The following CCAR1 variants were observed in gnomAD, a reference collection of about 807,000 sequenced individuals.
CCAR1 encodes the protein cell division cycle and apoptosis regulator 1.
A neutral mutation model predicts 163.8 loss-of-function variants in CCAR1; 78 were observed. The ratio of observed to expected loss-of-function variants is 0.48; its 90% confidence interval spans 0.40 to 0.57. The LOEUF (loss-of-function observed/expected upper bound fraction) is 0.57. Among genes scored for constraint, CCAR1 ranks in the 20% least tolerant of loss-of-function variants. CCAR1 has a pLI of 0.00. For missense variants in CCAR1, 1,019 were observed against 1,365.2 expected (o/e 0.75, Z 4.00); for synonymous variants, 443 against 460.7 (o/e 0.96, Z 0.49).
At chr10:68,766,107 C>T (rs1564545283) in intron 17 of CCAR1, 28 bp downstream of exon 17, 2 of 1,388,214 alleles carry the variant, frequency 1.4e-6, no homozygotes, top group Non-Finnish European at 2.0e-6. Context: ...AAATAAGATC[C>T]ATATAAGGTC....
chr10:68,760,960 C>T (rs769408976), intron 15 of CCAR1, 47 bp from the exon 16 acceptor site: 1 of 790,594 alleles, frequency 1.3e-6, no homozygotes, highest in Non-Finnish European at 1.9e-6. Flanking sequence ...GCCCCCCGCC[C>T]CCCGCCACCT....
chr10:68,783,967 C>T (rs996038350), intron 19 of CCAR1, among the ~76,000 whole-genome samples: 3 of 151,792 alleles, frequency 2.0e-5, no homozygotes, highest in African/African-American at 7.3e-5. Context: ...ACCATGTTAG[C>T]GAGGATGGTC....
intron 4 of CCAR1, among the ~76,000 whole-genome samples, chr10:68,738,372 G>T (rs1005310794): frequency 1.3e-5 from 2 of 148,568 alleles, no homozygotes; most frequent in Admixed American, 1.3e-4. Context: ...AGGTTATGGT[G>T]AGCCGAGATC....
At chr10:68,787,744 A>C (rs1589196104) in intron 21 of CCAR1, 183 bp from the exon 22 acceptor site, 1 of 489,696 alleles carries the variant, frequency 2.0e-6, no homozygotes, top group African/African-American at 2.0e-5. Context: ...CTGAGGTAGG[A>C]GAATCGCTTG....
chr10:68,721,748 C>T (rs547727741), intron 1 of CCAR1: 1 of 322,640 alleles, frequency 3.1e-6, no homozygotes, highest in South Asian at 2.2e-5. Flanking sequence ...CGGCGGCCGG[C>T]ACGGAGCTGG....
intron 8 of CCAR1, 23 bp from the exon 9 acceptor site, chr10:68,749,112 GT>G (rs780851087): frequency 1.2e-5 from 19 of 1,613,156 alleles, no homozygotes; most frequent in African/African-American, 5.3e-5. Context: ...CACGCTAAAC[GT>G]TTTTTTCTTT....
chr10:68,743,203 T>TTTC (rs2056206114), intron 6 of CCAR1, among the ~76,000 whole-genome samples: 1 of 144,408 alleles, frequency 6.9e-6, no homozygotes, highest in African/African-American at 2.7e-5. Flanking sequence ...TCTTTTTCTT[T>TTTC]TTTTTTTTTT....
In CCAR1 at chr10:68,786,749, G is replaced by A; in HGVS notation, c.2880+57G>A. The stretch of plus-strand genomic sequence containing the variant: ...ACATTTTTTAAAAGTTACCTTTCCA[G>A]TGAAAAGTTAATAGAACCTCTGTTG... On this transcript the variant is annotated intron_variant, in intron 21 of 24. Transcript: ENST00000265872. 3 of 1,449,196 alleles carry A rather than the reference G, an allele frequency of 2.1e-6. No homozygotes were observed. The East Asian group carries it at 7.1e-5, about 34-fold the overall frequency. 89.8% of individuals were successfully genotyped at this position (1,449,196 alleles called of 1,614,324 possible). A position where few individuals can be genotyped will look rare whatever the true frequency, so the allele number is the denominator to read the frequency against.
intron 17 of CCAR1, among the ~76,000 whole-genome samples, chr10:68,769,326 AATTG>A (rs2056572475): frequency 6.6e-6 from 1 of 152,166 alleles, no homozygotes; most frequent in Non-Finnish European, 1.5e-5. Context: ...TAGCCTTAGA[AATTG>A]GTACATAAGG....
At chr10:68,786,946 G>A (rs1035719858) in intron 21 of CCAR1, 1 of 287,822 alleles carries the variant, frequency 3.5e-6, no homozygotes, top group Admixed American at 5.7e-5. Flanking sequence ...TTAGCTGGGT[G>A]TGGTGGCACA....
chr10:68,722,733 C>T (rs2055877246), intron 2 of CCAR1, among the ~76,000 whole-genome samples, 156 bp downstream of exon 2: 1 of 151,998 alleles, frequency 6.6e-6, no homozygotes, highest in African/African-American at 2.4e-5. Context: ...ACCAGCCTGG[C>T]CAACATGGTG....
chr10:68,779,324 C>T (rs1366700262), intron 19 of CCAR1, among the ~76,000 whole-genome samples: 2 of 150,830 alleles, frequency 1.3e-5, no homozygotes, highest in African/African-American at 2.4e-5. Flanking sequence ...GTCGCGTGAT[C>T]TCGGCTCACT....
intron 6 of CCAR1, 79 bp downstream of exon 6, chr10:68,742,648 G>A (rs915836034): frequency 6.2e-5 from 71 of 1,154,250 alleles, no homozygotes; most frequent in Non-Finnish European, 8.6e-5. Context: ...GAAATTGTAT[G>A]TAGCCCAGGC....
intron 24 of CCAR1, among the ~76,000 whole-genome samples, chr10:68,790,751 G>A (rs1032575953): frequency 6.6e-6 from 1 of 151,022 alleles, no homozygotes; most frequent in African/African-American, 2.4e-5. Context: ...GCTCATGCCT[G>A]TAATCTCAGC....
chr10:68,721,442 G>C (rs895793733), intron 1 of CCAR1, 160 bp downstream of exon 1: 2 of 310,308 alleles, frequency 6.4e-6, no homozygotes, highest in Non-Finnish European at 1.3e-5. Flanking sequence ...GGAGGGACGC[G>C]GTCCCTTTTG....
rs139705190 is a variant in CCAR1 at position 68,786,176 on chromosome 10, A to C, written c.2691A>C (p.Arg897Ser). Residue 897 changes from arginine (R) to serine (S), a missense_variant, in exon 20 of 25, where the codon AGA becomes AGC. Arg to Ser is a moderately radical substitution (Grantham distance 110). Coordinates refer to ENST00000265872, the MANE Select transcript of CCAR1 (RefSeq NM_018237.4). ...AAATGACCAAACGAGATGACAAAAG[A>C]GATATCAACAGATACTGCAAGGAGA... ...EEEMTKRDDK[R>S]DINRYCKERP... 3.1e-6 allele frequency: 5 copies of C among 1,612,124 alleles called. No individual in the cohort carries two copies. In the African/African-American group the frequency reaches 6.7e-5, roughly 22 times the overall value.
chr10:68,752,083 A>AT (rs1160538995), intron 10 of CCAR1, among the ~76,000 whole-genome samples: 5 of 149,972 alleles, frequency 3.3e-5, no homozygotes, highest in Admixed American at 1.3e-4. Context: ...CGCCCAGCTA[A>AT]TTTTTTTTGT....
chr10:68,736,414 T>TTA (rs2056111392), intron 2 of CCAR1, among the ~76,000 whole-genome samples: 1 of 152,166 alleles, frequency 6.6e-6, no homozygotes, highest in African/African-American at 2.4e-5. Flanking sequence ...TTAACTGTAG[T>TTA]CAACGTGATG....
At chr10:68,778,296 A>T (rs1249736812) in intron 19 of CCAR1, among the ~76,000 whole-genome samples, 1 of 152,028 alleles carries the variant, frequency 6.6e-6, no homozygotes, top group Non-Finnish European at 1.5e-5. Context: ...ACATCTCTTA[A>T]CCCCTCTTCT....
Sources: allele counts gnomAD v4.1 joint callset (sites outside exome capture counted in the v4.1 genomes callset), GRCh38; gene constraint gnomAD v4.1.1; transcripts MANE v1.5; gene names NCBI Gene and HGNC (gene_info 2026-07-23, HGNC 2026-07-21).